Variants in CDH11 observed in about 807,000 individuals in gnomAD.
CDH11 encodes the protein cadherin 11, also known as cadherin-11.
In CDH11, 11 loss-of-function variants were observed where a neutral mutation model predicts 67.8. That is an observed-to-expected ratio of 0.16 (90% CI 0.10 to 0.27). The LOEUF is 0.27. Among genes scored for constraint, CDH11 ranks in the 10% least tolerant of loss-of-function variants. The probability of loss-of-function intolerance (pLI) is 1.00; values close to 1 mark genes in which losing one functional copy is unlikely to be tolerated. For synonymous variants in CDH11, 419 were observed against 400.0 expected, an observed-to-expected ratio of 1.05 and a Z score of -0.57; for missense variants, 847 against 1,031.2, an observed-to-expected ratio of 0.82 and a Z score of 2.45.
At chr16:65,107,998 C>A (rs2075093446) in intron 1 of CDH11, among the ~76,000 whole-genome samples, 1 of 152,150 alleles carries the variant, frequency 6.6e-6, no homozygotes, top group African/African-American at 2.4e-5. Context: ...AATTTGTCAG[C>A]AATTGACCAC....
chr16:65,095,314 C>T (rs2074870599), intron 1 of CDH11, among the ~76,000 whole-genome samples: 1 of 152,148 alleles, frequency 6.6e-6, no homozygotes, highest in South Asian at 2.1e-4. Context: ...CCTTGCACTG[C>T]TGAGAGAAAC....
rs764709799 is a variant in CDH11 at position 64,950,720 on chromosome 16, A to T, written c.1894+47T>A. On this transcript the variant is annotated intron_variant, in intron 12 of 12. Coordinates refer to ENST00000268603, the MANE Select transcript of CDH11 (RefSeq NM_001797.4). ...AGAAGCATGTGTTTCAAGGAGGGGC[A>T]TCCGGTTGCCTGGCCCTTCCTGCAG... 2.5e-6 allele frequency: 4 copies of T among 1,586,604 alleles called. No homozygotes were observed. The African/African-American group carries it at 4.1e-5, about 16-fold the overall frequency.
At chr16:64,981,193 C>T (rs7188546) in intron 8 of CDH11, 1,699 of 147,978 alleles carry the variant, frequency 0.011, 16 homozygotes, top group Admixed American at 0.022. Flanking sequence ...GCAACCTCTG[C>T]CTCTCGGGTT....
intron 1 of CDH11, among the ~76,000 whole-genome samples, chr16:65,073,533 T>C (rs2074456141): frequency 6.6e-6 from 1 of 152,212 alleles, no homozygotes; most frequent in Admixed American, 6.5e-5. Flanking sequence ...CCACCTGCCT[T>C]GGCCTCTCGA....
At chr16:64,998,412 A>G in intron 4 of CDH11, 150 bp downstream of exon 4, 1 of 730,600 alleles carries the variant, frequency 1.4e-6, no homozygotes, top group Non-Finnish European at 2.3e-6. Flanking sequence ...CATTTTACAG[A>G]GGAACAAAAG....
At chr16:64,968,580 C>T (rs2071910325) in intron 11 of CDH11, 4 of 984,426 alleles carry the variant, frequency 4.1e-6, no homozygotes, top group African/African-American at 1.7e-5. Flanking sequence ...GGCTGCAGAA[C>T]GGAATAAGAT....
intron 11 of CDH11, among the ~76,000 whole-genome samples, chr16:64,970,900 T>C (rs1308760947): frequency 1.3e-5 from 2 of 152,180 alleles, no homozygotes; most frequent in Admixed American, 6.6e-5. Flanking sequence ...AATATATACA[T>C]ATATTCATCT....
At chr16:65,118,057 T>G (rs2075271932) in intron 1 of CDH11, among the ~76,000 whole-genome samples, 1 of 152,132 alleles carries the variant, frequency 6.6e-6, no homozygotes. Flanking sequence ...TTGAATTCGG[T>G]CTCTCCTGAG....
intron 1 of CDH11, among the ~76,000 whole-genome samples, chr16:65,100,952 G>A (rs1305777748): frequency 3.3e-5 from 5 of 152,064 alleles, no homozygotes; most frequent in Non-Finnish European, 7.4e-5. Context: ...GAGCAGTTCT[G>A]ATTAAAATTT....
intron 2 of CDH11, among the ~76,000 whole-genome samples, chr16:65,008,219 A>T (rs2073102885): frequency 1.3e-5 from 2 of 152,258 alleles, no homozygotes; most frequent in Non-Finnish European, 2.9e-5. Context: ...GTCTAGCTTA[A>T]TACTAATGAA....
intron 1 of CDH11, among the ~76,000 whole-genome samples, chr16:65,074,197 A>G (rs2074467828): frequency 6.6e-6 from 1 of 152,198 alleles, no homozygotes; most frequent in Non-Finnish European, 1.5e-5. Context: ...AGGGATAGGA[A>G]TGCCACAGAG....
At chr16:65,081,312 T>C (rs1043085587) in intron 1 of CDH11, among the ~76,000 whole-genome samples, 1 of 152,180 alleles carries the variant, frequency 6.6e-6, no homozygotes, top group Non-Finnish European at 1.5e-5. Flanking sequence ...CTCACGCCTG[T>C]AATCCCAGCA....
At chr16:65,065,109 G>T (rs914062231) in intron 1 of CDH11, among the ~76,000 whole-genome samples, 2 of 152,214 alleles carry the variant, frequency 1.3e-5, no homozygotes, top group Non-Finnish European at 2.9e-5. Context: ...TCCAAGGACA[G>T]AGAAGGAATT....
chr16:65,068,810 A>T (rs925695644), intron 1 of CDH11, among the ~76,000 whole-genome samples: 4 of 152,210 alleles, frequency 2.6e-5, no homozygotes, highest in African/African-American at 9.6e-5. Context: ...GTTAAATGCC[A>T]CCCATTTTCA....
chr16:65,000,284 C>T (rs2072886307), intron 3 of CDH11, among the ~76,000 whole-genome samples: 3 of 152,154 alleles, frequency 2.0e-5, no homozygotes, highest in Admixed American at 6.5e-5. Flanking sequence ...TAGCAAAAAA[C>T]TCCTCACCCC....
intron 1 of CDH11, among the ~76,000 whole-genome samples, chr16:65,091,450 A>C (rs1224090263): frequency 2.0e-5 from 3 of 152,182 alleles, no homozygotes; most frequent in African/African-American, 7.2e-5. Context: ...GTACCTCAGC[A>C]CATCAATGTC....
rs969623282 is a variant in CDH11, at chr16:65,009,912, G to A, written c.-172-4871C>T. ...AGCAGATAGCCCGTCAGAAGCCACC[G>A]TGCCTTGAGCATAAAACTCTCTTGC... On this transcript the variant is annotated intron_variant, in intron 2 of 12. Transcript: ENST00000268603. Among the ~76,000 whole-genome samples the A allele has an allele frequency of 9.2e-5, 14 of 152,292 alleles. No homozygotes were observed. The South Asian group carries it at 2.3e-3, about 25-fold the overall frequency.
chr16:65,043,311 T>C lies in CDH11; in HGVS notation c.-173+10493A>G, dbSNP rs187965820. On this transcript the variant is annotated intron_variant, in intron 2 of 12. Coordinates refer to ENST00000268603, the MANE Select transcript of CDH11 (RefSeq NM_001797.4). ...AGAGTTTGTCACAGGTTGGATTATCTGGGACGCTGACTCTGAGATGGAGTT... is the reference window on the plus strand; with the variant it reads ...AGAGTTTGTCACAGGTTGGATTATCCGGGACGCTGACTCTGAGATGGAGTT... Among the ~76,000 whole-genome samples, 4 of 151,540 alleles carry C rather than the reference T, an allele frequency of 2.6e-5. No individual in the cohort carries two copies. In the East Asian group the frequency reaches 7.7e-4, roughly 29 times the overall value.
chr16:65,111,226 T>C (rs530494197), intron 1 of CDH11, among the ~76,000 whole-genome samples: 1 of 152,336 alleles, frequency 6.6e-6, no homozygotes, highest in African/African-American at 2.4e-5. Flanking sequence ...AGCAACTCCA[T>C]GCCATGAGCT....
Sources: allele counts gnomAD v4.1 joint callset (sites outside exome capture counted in the v4.1 genomes callset), GRCh38; gene constraint gnomAD v4.1.1; transcripts MANE v1.5; gene names NCBI Gene and HGNC (gene_info 2026-07-23, HGNC 2026-07-21).